The following REPS2 variants were observed in gnomAD, a reference collection of about 807,000 sequenced individuals.
The protein encoded by REPS2 is RALBP1 associated Eps domain containing 2.
A neutral mutation model predicts 53.6 loss-of-function variants in REPS2; 23 were observed. The ratio of observed to expected loss-of-function variants is 0.43; its 90% CI spans 0.31 to 0.61. The LOEUF is 0.61. REPS2 is among the 20% of genes least tolerant of loss of function. The pLI, the probability that REPS2 is intolerant of heterozygous loss-of-function variation, is 0.11. For synonymous variants in REPS2, 238 were observed against 218.6 expected (o/e 1.09, Z -0.78); for missense variants, 446 against 534.9 (o/e 0.83, Z 1.64).
chrX:16,968,521 T>C (rs1174445557), intron 1 of REPS2, among the ~76,000 whole-genome samples: 3 of 97,755 alleles, frequency 3.1e-5, no homozygotes, highest in Non-Finnish European at 6.3e-5. Flanking sequence ...GGCGGGGGGC[T>C]GACCCCCCCA....
At chrX:17,073,965 G>A (rs2062345413) in intron 11 of REPS2, 149 bp from the exon 12 acceptor site, 2 of 377,073 alleles carry the variant, frequency 5.3e-6, no homozygotes, top group Admixed American at 8.7e-5. Context: ...ATAAAACAAG[G>A]AAATCATGAA....
chrX:17,010,277 A>G (rs1045895097), intron 2 of REPS2, among the ~76,000 whole-genome samples: 2 of 112,448 alleles, frequency 1.8e-5, no homozygotes, highest in African/African-American at 6.5e-5. Context: ...CAGCCTGGCT[A>G]TTGTACTTTT....
intron 1 of REPS2, among the ~76,000 whole-genome samples, chrX:16,995,928 G>A (rs1470661973): frequency 9.0e-6 from 1 of 111,521 alleles, no homozygotes; most frequent in Non-Finnish European, 1.9e-5. Flanking sequence ...TTAGGGGGAT[G>A]GGTAGATTTT....
intron 1 of REPS2, among the ~76,000 whole-genome samples, chrX:16,989,252 A>T (rs1275712403): frequency 8.1e-4 from 6 of 7,380 alleles, no homozygotes; most frequent in Non-Finnish European, 1.6e-3. Context: ...TCAATATGTC[A>T]AAAAAAAAAA....
downstream of REPS2, chrX:17,153,361 G>C (rs762297141): frequency 5.4e-5 from 6 of 111,984 alleles, no homozygotes; most frequent in Non-Finnish European, 1.1e-4. Context: ...AAAGGAGTTG[G>C]GAGTCTTTCC....
At chrX:17,038,581 C>T (rs967363396) in intron 5 of REPS2, among the ~76,000 whole-genome samples, 2 of 112,663 alleles carry the variant, frequency 1.8e-5, no homozygotes, top group Non-Finnish European at 3.7e-5. Flanking sequence ...GGTCTGCATC[C>T]GTCTTCCGTG....
At chrX:16,976,647 G>A (rs12389433) in intron 1 of REPS2, among the ~76,000 whole-genome samples, 1,293 of 111,339 alleles carry the variant, frequency 0.012, 8 homozygotes, top group Non-Finnish European at 0.018. Flanking sequence ...AGAGTAGAAG[G>A]GGGGTCCTTA....
chrX:17,133,288 A>G (rs2063318991), intron 14 of REPS2, among the ~76,000 whole-genome samples: 2 of 111,367 alleles, frequency 1.8e-5, no homozygotes, highest in South Asian at 7.7e-4. Context: ...TCTCTTGGGC[A>G]TGGTGGAGGC....
the REPS2 span, among the ~76,000 whole-genome samples, chrX:17,182,681 T>C: frequency 1.8e-5 from 2 of 112,238 alleles, no homozygotes; most frequent in Non-Finnish European, 3.8e-5. Flanking sequence ...TAAAATGGAA[T>C]GTTATTTTGC....
intron 1 of REPS2, among the ~76,000 whole-genome samples, chrX:16,948,564 A>T (rs775571012): frequency 1.8e-5 from 2 of 112,475 alleles, no homozygotes; most frequent in African/African-American, 3.2e-5. Flanking sequence ...GACTGAGGCT[A>T]TGCAGCAAGT....
At chrX:17,189,788 A>G in the REPS2 span, among the ~76,000 whole-genome samples, 1 of 110,946 alleles carries the variant, frequency 9.0e-6, no homozygotes, top group Admixed American at 9.6e-5. Context: ...CCAGGTGTAG[A>G]GTAGAATTGC....
At chrX:17,067,645 A>G (rs979013303) in intron 9 of REPS2, among the ~76,000 whole-genome samples, 2 of 112,344 alleles carry the variant, frequency 1.8e-5, no homozygotes, top group Non-Finnish European at 3.8e-5. Context: ...TAATCTGCTC[A>G]TCAGTAAAAT....
rs756029592 is a variant in REPS2 at position 17,151,598 on chromosome X, G to A, written c.*4117G>A. ...CACTAGATATCACCAAGGGAATGTG[G>A]TTTTAAAAATAAAAAGAAAACAATA... On this transcript the variant is annotated 3_prime_UTR_variant, in exon 18 of 18. Coordinates refer to ENST00000357277, the MANE Select transcript of REPS2 (RefSeq NM_004726.3). 1 of 112,490 alleles carries A rather than the reference G, an allele frequency of 8.9e-6. No homozygotes were observed. Among genetic ancestry groups the A allele is most frequent in the Admixed American group, 9.4e-5 (1 of 10,611 alleles). The allele number at this position is 112,490 out of a possible 1,213,427, so 9.3% of individuals were successfully genotyped here.
intron 3 of REPS2, among the ~76,000 whole-genome samples, chrX:17,022,905 G>C (rs1373455251): frequency 8.9e-6 from 1 of 112,166 alleles, no homozygotes; most frequent in African/African-American, 3.2e-5. Context: ...GGGAGGATAG[G>C]CTTTTAAAAT....
At chrX:17,025,225 C>T (rs771549737) in intron 4 of REPS2, 40 bp downstream of exon 4, 44 of 1,148,392 alleles carry the variant, frequency 3.8e-5, no homozygotes, top group Non-Finnish European at 5.0e-5. Context: ...CAGGCAGTGT[C>T]TTAGAGACTC....
chrX:16,951,548 CACACACACA>C (rs1294340979), intron 1 of REPS2, among the ~76,000 whole-genome samples: 26 of 33,153 alleles, frequency 7.8e-4, no homozygotes, highest in Admixed American at 5.1e-3. Context: ...CACACACACA[CACACACACA>C]CACCCCCGCT....
the REPS2 span, among the ~76,000 whole-genome samples, chrX:17,175,384 G>T: frequency 8.9e-6 from 1 of 112,701 alleles, no homozygotes; most frequent in Non-Finnish European, 1.9e-5. Flanking sequence ...AAGCTGAGCC[G>T]TAGAGAGGAA....
intron 6 of REPS2, among the ~76,000 whole-genome samples, chrX:17,048,714 C>T (rs962982310): frequency 1.7e-4 from 19 of 111,928 alleles, no homozygotes; most frequent in African/African-American, 6.2e-4. Context: ...CCTAGTGATG[C>T]TGTAGCCATC....
rs151028113 is a variant in REPS2 at position 16,951,026 on chromosome X, A to G, written c.273+3892A>G. Among the ~76,000 whole-genome samples, 28 of 112,332 alleles carry G rather than the reference A, an allele frequency of 2.5e-4. No individual in the cohort carries two copies. In the East Asian group the frequency reaches 7.0e-3, roughly 28 times the overall value. Reference sequence around the variant, plus strand: ...GCACCATTGCTCTCCAGCGTAGGCAACAGAGCAAAACCCTGTATCAAAATA... The same window carrying G: ...GCACCATTGCTCTCCAGCGTAGGCAGCAGAGCAAAACCCTGTATCAAAATA... On this transcript the variant is annotated intron_variant, in intron 1 of 17. Coordinates refer to ENST00000357277, the MANE Select transcript of REPS2 (RefSeq NM_004726.3).
Sources: allele counts gnomAD v4.1 joint callset (sites outside exome capture counted in the v4.1 genomes callset), GRCh38; gene constraint gnomAD v4.1.1; transcripts MANE v1.5; gene names NCBI Gene and HGNC (gene_info 2026-07-23, HGNC 2026-07-21).